The following SLC44A5 variants were observed in gnomAD, a reference collection of about 807,000 sequenced individuals.
SLC44A5 encodes choline transporter-like protein 5.
In SLC44A5, 57 loss-of-function variants were observed where a neutral mutation model predicts 101.8. The ratio of observed to expected loss-of-function variants is 0.56; its 90% CI spans 0.45 to 0.70. The LOEUF (loss-of-function observed/expected upper bound fraction) is 0.70. Among genes scored for constraint, SLC44A5 ranks in the 30% least tolerant of loss-of-function variants. The pLI, the probability that SLC44A5 is intolerant of heterozygous loss-of-function variation, is 0.00. For synonymous variants in SLC44A5, 281 were observed against 290.9 expected (o/e 0.97, Z 0.35); for missense variants, 737 against 853.1 (o/e 0.86, Z 1.70).
intron 2 of SLC44A5, among the ~76,000 whole-genome samples, chr1:75,518,291 A>G (rs995308608): frequency 4.6e-5 from 7 of 152,226 alleles, no homozygotes; most frequent in African/African-American, 9.6e-5. Flanking sequence ...AATATTCATG[A>G]TATAGTTTTA....
At chr1:75,654,019 C>A in the SLC44A5 span, among the ~76,000 whole-genome samples, 3 of 152,314 alleles carry the variant, frequency 2.0e-5, no homozygotes, top group South Asian at 4.1e-4. Context: ...CAAGGACTAT[C>A]TAACCATTTA....
intron 2 of SLC44A5, among the ~76,000 whole-genome samples, chr1:75,518,251 TAGC>T (rs1669937414): frequency 1.3e-5 from 2 of 152,184 alleles, no homozygotes; most frequent in African/African-American, 2.4e-5. Flanking sequence ...TCATTAAAAA[TAGC>T]AGTCTCAAAG....
chr1:75,423,981 T>C (rs1160701056), intron 2 of SLC44A5, among the ~76,000 whole-genome samples: 3 of 152,218 alleles, frequency 2.0e-5, no homozygotes, highest in Non-Finnish European at 2.9e-5. Flanking sequence ...TCCGGAGAAT[T>C]TGAATTTGGC....
chr1:75,333,859 C>A (rs149643669), intron 4 of SLC44A5, among the ~76,000 whole-genome samples: 1 of 152,182 alleles, frequency 6.6e-6, no homozygotes, highest in African/African-American at 2.4e-5. Context: ...TAGTACACAT[C>A]AAAGTATGAG....
intron 2 of SLC44A5, among the ~76,000 whole-genome samples, chr1:75,482,288 G>C (rs1434483624): frequency 6.6e-6 from 1 of 151,800 alleles, no homozygotes; most frequent in Non-Finnish European, 1.5e-5. Context: ...GGGGACGGGG[G>C]AGGGATAGCA....
At chr1:75,258,933 G>A (rs935913189) in intron 6 of SLC44A5, among the ~76,000 whole-genome samples, 1 of 152,062 alleles carries the variant, frequency 6.6e-6, no homozygotes. Context: ...GCAGCAGAGG[G>A]GCCTTACTGT....
In SLC44A5 at chr1:75,274,988, T is replaced by C. The variant is rs751015085; in HGVS notation, c.230A>G (p.His77Arg). 2 of 1,612,858 alleles carry C rather than the reference T, an allele frequency of 1.2e-6. No individual in the cohort carries two copies. The highest frequency in any genetic ancestry group is 1.7e-6 in the Non-Finnish European group (2 of 1,179,386). Residue 77 changes from histidine to arginine, a missense_variant, in exon 6 of 24, where the codon CAC becomes CGC. By Grantham distance (29) the His-to-Arg change is conservative. Coordinates refer to ENST00000370859, the MANE Select transcript of SLC44A5 (RefSeq NM_001130058.2). ...GGGAGTGCCCTTCTGGCCACAAAAGTGGCCCTGGCTGTCTGTAGGATAGGC... is the reference window on the plus strand; with the variant it reads ...GGGAGTGCCCTTCTGGCCACAAAAGCGGCCCTGGCTGTCTGTAGGATAGGC... ...RAAYPTDSQG[H>R]FCGQKGTPNE...
intron 4 of SLC44A5, among the ~76,000 whole-genome samples, chr1:75,320,767 A>G (rs1250004148): frequency 2.0e-5 from 3 of 152,184 alleles, no homozygotes; most frequent in African/African-American, 7.2e-5. Context: ...AGTTTTGGTT[A>G]GATAACTTTG....
intron 2 of SLC44A5, among the ~76,000 whole-genome samples, chr1:75,473,538 C>T (rs537380008): frequency 2.8e-4 from 42 of 152,198 alleles, no homozygotes; most frequent in African/African-American, 9.4e-4. Flanking sequence ...ACTTGATTTG[C>T]GCTGTTCTTT....
chr1:75,507,861 C>T (rs1211337647), intron 2 of SLC44A5, among the ~76,000 whole-genome samples: 2 of 152,130 alleles, frequency 1.3e-5, no homozygotes, highest in Admixed American at 1.3e-4. Context: ...AACATTGGAA[C>T]ACCCAGATTC....
the SLC44A5 span, among the ~76,000 whole-genome samples, chr1:75,623,636 C>T: frequency 6.6e-6 from 1 of 151,914 alleles, no homozygotes; most frequent in Non-Finnish European, 1.5e-5. Context: ...ACTTCAGAAC[C>T]TCCTGAATGA....
intron 5 of SLC44A5, among the ~76,000 whole-genome samples, chr1:75,292,020 AAAAAG>A (rs1196630515): frequency 1.4e-5 from 2 of 145,824 alleles, no homozygotes; most frequent in Admixed American, 7.1e-5. Context: ...TCAAAAAAAA[AAAAAG>A]AAAAGAAAAG....
chr1:75,472,516 T>A (rs1394171028), intron 2 of SLC44A5, among the ~76,000 whole-genome samples: 1 of 152,190 alleles, frequency 6.6e-6, no homozygotes, highest in African/African-American at 2.4e-5. Flanking sequence ...TGACAATTAT[T>A]AAGCAAGCTA....
In SLC44A5 at chr1:75,244,045, C is replaced by T. The variant is rs565197659; in HGVS notation, c.346-1034G>A. On this transcript the variant is annotated intron_variant, in intron 7 of 23. Coordinates refer to ENST00000370859, the MANE Select transcript of SLC44A5 (RefSeq NM_001130058.2). Reference sequence around the variant, plus strand: ...TTTGCCTTCTGGTATGAGTGGAAAGCAGAAAGCTGAAGCCCTCAACAGAAG... The same window carrying T: ...TTTGCCTTCTGGTATGAGTGGAAAGTAGAAAGCTGAAGCCCTCAACAGAAG... Among the ~76,000 whole-genome samples the T allele has an allele frequency of 2.6e-4, 39 of 152,202 alleles. No homozygotes were observed. The South Asian group carries it at 3.5e-3, about 14-fold the overall frequency.
chr1:75,557,509 T>C (rs887427867), intron 1 of SLC44A5, among the ~76,000 whole-genome samples: 4 of 152,172 alleles, frequency 2.6e-5, no homozygotes, highest in Non-Finnish European at 4.4e-5. Flanking sequence ...CACCAGTTCC[T>C]GAATGTCTCA....
the SLC44A5 span, among the ~76,000 whole-genome samples, chr1:75,658,505 A>C: frequency 6.6e-6 from 1 of 152,224 alleles, no homozygotes; most frequent in Non-Finnish European, 1.5e-5. Flanking sequence ...CATGGAAAGT[A>C]AATAATGTGC....
intron 22 of SLC44A5, 21 bp from the exon 23 acceptor site, chr1:75,211,573 GAACC>G: frequency 6.6e-7 from 1 of 1,507,168 alleles, no homozygotes; most frequent in Non-Finnish European, 9.2e-7. Context: ...ATGAAGAAGA[GAACC>G]AACATGTCAT....
chr1:75,236,618 A>G (rs1424096313), intron 11 of SLC44A5, among the ~76,000 whole-genome samples: 3 of 152,060 alleles, frequency 2.0e-5, no homozygotes, highest in Non-Finnish European at 4.4e-5. Context: ...AGAAAAAAGA[A>G]TCTGAGAAAC....
intron 3 of SLC44A5, among the ~76,000 whole-genome samples, chr1:75,390,706 G>A (rs1375946051): frequency 1.3e-5 from 2 of 152,008 alleles, no homozygotes; most frequent in Non-Finnish European, 2.9e-5. Context: ...AAAATAATGA[G>A]CAATTTATGA....
Sources: allele counts gnomAD v4.1 joint callset (sites outside exome capture counted in the v4.1 genomes callset), GRCh38; gene constraint gnomAD v4.1.1; transcripts MANE v1.5; gene names NCBI Gene and HGNC (gene_info 2026-07-23, HGNC 2026-07-21).